Variants in CHRNA10 observed in about 807,000 individuals in gnomAD.
CHRNA10 encodes the protein cholinergic receptor nicotinic alpha 10 subunit.
CHRNA10 carries 31 observed loss-of-function variants against 36.0 expected under a neutral mutation model. That is an observed-to-expected ratio of 0.86 (90% CI 0.65 to 1.16). The LOEUF is 1.16. CHRNA10 is among the 50% of genes most tolerant of loss of function. The pLI is 0.00. For missense variants in CHRNA10, 648 were observed against 640.9 expected (o/e 1.01, Z -0.12); for synonymous variants, 302 against 287.0 (o/e 1.05, Z -0.53).
intron 3 of CHRNA10, 156 bp downstream of exon 3, chr11:3,669,040 C>G (rs189189641): frequency 4.3e-4 from 325 of 760,656 alleles, no homozygotes; most frequent in Non-Finnish European, 5.7e-4. Context: ...CATGGAGGGG[C>G]TGAGTGCCTG....
At position 3,667,700 on chromosome 11, in the gene CHRNA10, G is replaced by C. The variant is rs746695483; in HGVS notation, c.427C>G (p.Arg143Gly). ...CGCGTGATGGCCGGCGCGTCCCAGCGCACGGCGCCATCGTGGCGCAGGACC... is the reference window on the plus strand; with the variant it reads ...CGCGTGATGGCCGGCGCGTCCCAGCCCACGGCGCCATCGTGGCGCAGGACC... ...NVVLRHDGAV[R>G]WDAPAITRSS... is the part of the protein sequence containing the mutation. The change falls in exon 4 of 5, where the codon CGC becomes GGC. Residue 143 changes from arginine (R) to glycine (G), a missense_variant. By Grantham distance (125) the Arg-to-Gly change is moderately radical (BLOSUM62 -2). Coordinates refer to ENST00000250699, the MANE Select transcript of CHRNA10 (RefSeq NM_020402.4). 6.4e-7 allele frequency: 1 copy of C among 1,573,604 alleles called. No individual in the cohort carries two copies. The highest frequency in any genetic ancestry group is 1.1e-5 in the South Asian group (1 of 87,926).
chr11:3,669,633 A>C lies in CHRNA10; in HGVS notation c.207+163T>G, dbSNP rs11028916. ...GGCACGAGGTAGGCACCCAATACTC[A>C]GTACCCAACAGTCAGTACCCAACAG... is the stretch of plus-strand genomic sequence containing the variant. On this transcript the variant is annotated intron_variant, in intron 2 of 4. Coordinates refer to ENST00000250699, the MANE Select transcript of CHRNA10 (RefSeq NM_020402.4). 27,214 of 953,532 alleles carry C rather than the reference A, an allele frequency of 0.029. 1,177 individuals carry two copies. Among genetic ancestry groups the C allele is most frequent in the South Asian group, 0.12 (8,711 of 70,514 alleles). 59.1% of individuals were successfully genotyped at this position (953,532 alleles called of 1,614,324 possible). A position where few individuals can be genotyped will look rare whatever the true frequency, so the allele number is the denominator to read the frequency against.
Position 3,665,961 on chromosome 11 carries a change from T to G in CHRNA10, c.*146A>C, listed in dbSNP as rs2077656054. On this transcript the variant is annotated 3_prime_UTR_variant, in exon 5 of 5. Transcript: ENST00000250699. ...GGTGTGTAGACAATGAGTGCTCCCTTGTGGATTGTGAAGTCAAGTGTCTCA... is the reference window on the plus strand; with the variant it reads ...GGTGTGTAGACAATGAGTGCTCCCTGGTGGATTGTGAAGTCAAGTGTCTCA... 14 of 661,672 alleles carry G rather than the reference T, an allele frequency of 2.1e-5. No homozygotes were observed. Among genetic ancestry groups the G allele is most frequent in the Admixed American group, 3.3e-5 (1 of 30,676 alleles). 41.0% of individuals were successfully genotyped at this position (661,672 alleles called of 1,614,324 possible). A position where few individuals can be genotyped will look rare whatever the true frequency, so the allele number is the denominator to read the frequency against.
intron 3 of CHRNA10, 59 bp from the exon 4 acceptor site, chr11:3,667,823 G>A: frequency 2.2e-6 from 3 of 1,390,166 alleles, no homozygotes; most frequent in Non-Finnish European, 2.8e-6. Context: ...CAGCCCCGGA[G>A]GCCGGGAGCC....
chr11:3,667,963 T>C (rs1304682392), intron 3 of CHRNA10, among the ~76,000 whole-genome samples, 199 bp from the exon 4 acceptor site: 1 of 152,228 alleles, frequency 6.6e-6, no homozygotes, highest in African/African-American at 2.4e-5. Context: ...TGGCAGGACA[T>C]CAGCCCTTCC....
Position 3,666,441 on chromosome 11 carries a change from A to C in CHRNA10, c.1019T>G (p.Leu340Arg), listed in dbSNP as rs541042496. The change falls in exon 5 of 5, where the codon CTG (leucine) becomes CGG (arginine). Residue 340 changes from leucine to arginine, a missense_variant. Coordinates refer to ENST00000250699, the MANE Select transcript of CHRNA10 (RefSeq NM_020402.4). ...RPVPAWARAL[L>R]LGHLARGLCV... ...CAGGCCCCGTGCCAGGTGTCCCAGC[A>C]GGAGGGCCCTAGCCCAGGCTGGCAC... 51 of 1,613,950 alleles carry C rather than the reference A, an allele frequency of 3.2e-5. 1 individual carries two copies. The South Asian group carries it at 5.1e-4, about 16-fold the overall frequency.
intron 2 of CHRNA10, 119 bp downstream of exon 2, chr11:3,669,677 G>C: frequency 7.3e-7 from 1 of 1,364,244 alleles, no homozygotes; most frequent in Non-Finnish European, 1.0e-6. Flanking sequence ...TGCTACCTTT[G>C]TTAATATTAA....
At position 3,667,717 on chromosome 11, in the gene CHRNA10, C is replaced by A; in HGVS notation, c.410G>T (p.Arg137Leu). 2 of 1,572,246 alleles carry A rather than the reference C, an allele frequency of 1.3e-6. No individual in the cohort carries two copies. The highest frequency in any genetic ancestry group is 2.3e-5 in the East Asian group (1 of 43,296). The change falls in exon 4 of 5, where the codon CGC becomes CTC. Residue 137 changes from arginine to leucine, a missense_variant. Coordinates refer to ENST00000250699, the MANE Select transcript of CHRNA10 (RefSeq NM_020402.4). Reference protein sequence around the residue: ...PGSASTNVVLRHDGAVRWDAP... With the variant: ...PGSASTNVVLLHDGAVRWDAP... Reference sequence around the variant, plus strand: ...GTCCCAGCGCACGGCGCCATCGTGGCGCAGGACCACGTTGGTGCTGGCGGA... The same window carrying A: ...GTCCCAGCGCACGGCGCCATCGTGGAGCAGGACCACGTTGGTGCTGGCGGA...
Position 3,669,794 on chromosome 11 carries a change from A to C in CHRNA10, c.207+2T>G, listed in dbSNP as rs57724831. 130 of 1,614,104 alleles carry C rather than the reference A, an allele frequency of 8.1e-5. No individual in the cohort carries two copies. The East Asian group carries it at 2.7e-3, about 33-fold the overall frequency. On this transcript the variant is annotated splice_donor_variant, in intron 2 of 4. Coordinates refer to ENST00000250699, the MANE Select transcript of CHRNA10 (RefSeq NM_020402.4). LOFTEE classifies it high-confidence loss of function. ...CACAGCTGTACCACCACCACAACGC[A>C]CCATGTCGATGATCTGGGACAGTGT...
rs200272875 is a variant in CHRNA10 at position 3,669,344 on chromosome 11, G to C, written c.214C>G (p.Arg72Gly). 2.5e-6 allele frequency: 4 copies of C among 1,613,378 alleles called. No individual in the cohort carries two copies. In the African/African-American group the frequency reaches 5.3e-5, roughly 22 times the overall value. ...AGATACAGGGTCAGCACCTGGTTCC[G>C]TTCATCCTAGTGGGGGCAGGGAATG... Reference protein sequence around the residue: ...TLSQIIDMDERNQVLTLYLWI... With the variant: ...TLSQIIDMDEGNQVLTLYLWI... Residue 72 changes from arginine (R) to glycine (G), a missense_variant, in exon 3 of 5, where the codon CGG becomes GGG. By Grantham distance (125) the Arg-to-Gly change is moderately radical (BLOSUM62 -2). Coordinates refer to ENST00000250699, the MANE Select transcript of CHRNA10 (RefSeq NM_020402.4).
Position 3,669,780 on chromosome 11 carries a change from C to G in CHRNA10, c.207+16G>C. Reference sequence around the variant, plus strand: ...GACAGGTAAGACTCCACAGCTGTACCACCACCACAACGCACCATGTCGATG... The same window carrying G: ...GACAGGTAAGACTCCACAGCTGTACGACCACCACAACGCACCATGTCGATG... On this transcript the variant is annotated intron_variant, in intron 2 of 4. Coordinates refer to ENST00000250699, the MANE Select transcript of CHRNA10 (RefSeq NM_020402.4). 1 of 1,613,562 alleles carries G rather than the reference C, an allele frequency of 6.2e-7. No individual in the cohort carries two copies. The highest frequency in any genetic ancestry group is 1.1e-5 in the South Asian group (1 of 90,980).
Position 3,666,382 on chromosome 11 carries a change from A to T in CHRNA10, c.1078T>A (p.Ser360Thr). ...VRERGEPCGQ[S>T]RPPELSPSPQ... is the part of the protein sequence containing the mutation. The stretch of plus-strand genomic sequence containing the variant: ...CTAGGAGATAACTCAGGTGGCCTGG[A>T]CTGCCCACAGGGCTCCCCTCTTTCC... The change falls in exon 5 of 5, where the codon TCC (serine) becomes ACC (threonine). Residue 360 changes from serine to threonine, a missense_variant. Physicochemically the swap from Ser to Thr is moderately conservative, Grantham distance 58. Coordinates refer to ENST00000250699, the MANE Select transcript of CHRNA10 (RefSeq NM_020402.4). 6.2e-7 allele frequency: 1 copy of T among 1,613,714 alleles called. No homozygotes were observed. The highest frequency in any genetic ancestry group is 8.5e-7 in the Non-Finnish European group (1 of 1,179,998).
At chr11:3,669,536 T>A (rs2077696764) in intron 2 of CHRNA10, among the ~76,000 whole-genome samples, 186 bp from the exon 3 acceptor site, 1 of 151,804 alleles carries the variant, frequency 6.6e-6, no homozygotes, top group Non-Finnish European at 1.5e-5. Context: ...TGCCCCTGTT[T>A]CCTCAGCAGG....
chr11:3,667,484 T>C lies in CHRNA10; in HGVS notation c.643A>G (p.Thr215Ala). The change falls in exon 4 of 5, where the codon ACC (threonine) becomes GCC (alanine). Residue 215 changes from threonine (T) to alanine (A), a missense_variant. Thr to Ala is a moderately conservative substitution (Grantham distance 58). Transcript: ENST00000250699. ...TAGGGCTCGGAGCAGCAGCCGTAGGTGAGCACGCGCCGCCGCGCCGGCATG... is the reference window on the plus strand; with the variant it reads ...TAGGGCTCGGAGCAGCAGCCGTAGGCGAGCACGCGCCGCCGCGCCGGCATG... ...LGMPARRRVLTYGCCSEPYPD... is the reference protein window; with the variant it reads ...LGMPARRRVLAYGCCSEPYPD... The C allele has an allele frequency of 6.3e-7, 1 of 1,586,868 alleles. No individual in the cohort carries two copies. Among genetic ancestry groups the C allele is most frequent in the Non-Finnish European group, 8.5e-7 (1 of 1,173,460 alleles).
Position 3,667,266 on chromosome 11 carries a change from C to A in CHRNA10, c.861G>T (p.Glu287Asp), listed in dbSNP as rs745759747. ...GCACGCTCTCGGCCGGTGGCATGCT[C>A]TCGGCCAGCAGCAACTGGAAGACGG... The part of the protein sequence containing the change: ...ALTVFQLLLA[E>D]SMPPAESVPL... Residue 287 changes from glutamate to aspartate, a missense_variant, in exon 4 of 5, where the codon GAG (glutamate) becomes GAT (aspartate). Transcript: ENST00000250699. The A allele has an allele frequency of 1.9e-6, 3 of 1,595,296 alleles. No individual in the cohort carries two copies. In the South Asian group the frequency reaches 3.3e-5, roughly 18 times the overall value.
At position 3,667,678 on chromosome 11, in the gene CHRNA10, G is replaced by A. The variant is rs910137057; in HGVS notation, c.449C>T (p.Thr150Met). ...TACATCCACGCGGCACGAGCTGCGCGTGATGGCCGGCGCGTCCCAGCGCAC... is the reference window on the plus strand; with the variant it reads ...TACATCCACGCGGCACGAGCTGCGCATGATGGCCGGCGCGTCCCAGCGCAC... ...GAVRWDAPAI[T>M]RSSCRVDVAA... The change falls in exon 4 of 5, where the codon ACG (threonine) becomes ATG (methionine). Residue 150 changes from threonine (T) to methionine (M), a missense_variant. By Grantham distance (81) the Thr-to-Met change is moderately conservative. Transcript: ENST00000250699. 24 of 1,566,682 alleles carry A rather than the reference G, an allele frequency of 1.5e-5. No individual in the cohort carries two copies. The highest frequency in any genetic ancestry group is 2.1e-5 in the Non-Finnish European group (24 of 1,162,024).
At position 3,669,403 on chromosome 11, in the gene CHRNA10, CCTGT is replaced by C. The variant is rs2077695915; in HGVS notation, c.208-57_208-54del. 3.2e-6 allele frequency: 5 copies of C among 1,584,526 alleles called. No homozygotes were observed. The South Asian group carries it at 5.9e-5, about 19-fold the overall frequency. On this transcript the variant is annotated intron_variant, in intron 2 of 4. Coordinates refer to ENST00000250699, the MANE Select transcript of CHRNA10 (RefSeq NM_020402.4). ...GTGGACATGTATATGCATATCCTGC[CCTGT>C]CTGTGCACACTCCCCTGCAGGGCTC...
At chr11:3,671,221 G>A (rs781437914) in intron 1 of CHRNA10, 31 bp downstream of exon 1, 4 of 1,607,758 alleles carry the variant, frequency 2.5e-6, no homozygotes, top group Non-Finnish European at 3.4e-6. Flanking sequence ...ACCACCAGGA[G>A]AGGCCAGGGC....
chr11:3,667,648 G>T lies in CHRNA10; in HGVS notation c.479C>A (p.Ala160Asp). ...TRSSCRVDVA[A>D]FPFDAQHCGL... ...GCAGTGCTGGGCGTCGAACGGGAAG[G>T]CTGCTACATCCACGCGGCACGAGCT... Residue 160 changes from alanine (A) to aspartate (D), a missense_variant, in exon 4 of 5, where the codon GCC becomes GAC. Transcript: ENST00000250699. 1 of 1,560,216 alleles carries T rather than the reference G, an allele frequency of 6.4e-7. No homozygotes were observed.
Sources: allele counts gnomAD v4.1 joint callset (sites outside exome capture counted in the v4.1 genomes callset), GRCh38; gene constraint gnomAD v4.1.1; transcripts MANE v1.5; gene names NCBI Gene and HGNC (gene_info 2026-07-23, HGNC 2026-07-21).